SASH1: variants seen among roughly 807,000 people sequenced by gnomAD.
SASH1 encodes SAM and SH3 domain containing 1.
A neutral mutation model predicts 125.2 loss-of-function variants in SASH1; 44 were observed. The ratio of observed to expected loss-of-function variants is 0.35; its 90% CI spans 0.28 to 0.45. The LOEUF is 0.45. Ranked by LOEUF, SASH1 falls within the 20% of genes least tolerant of loss-of-function variation. SASH1 has a pLI of 1.00. For synonymous variants in SASH1, 639 were observed against 649.1 expected (o/e 0.98, Z 0.24); for missense variants, 1,426 against 1,614.5 (o/e 0.88, Z 2.00).
chr6:148,217,788 G>A, the SASH1 span, among the ~76,000 whole-genome samples: 1 of 151,166 alleles, frequency 6.6e-6, no homozygotes, highest in South Asian at 2.1e-4. Context: ...GAGGTGGGAG[G>A]ATCCTTTGAG....
chr6:148,396,776 A>G (rs1247375175), intron 2 of SASH1, among the ~76,000 whole-genome samples: 1 of 152,166 alleles, frequency 6.6e-6, no homozygotes, highest in Non-Finnish European at 1.5e-5. Context: ...ACTTGGTTCA[A>G]ATTCTGGCTC....
At chr6:148,252,059 A>G in the SASH1 span, among the ~76,000 whole-genome samples, 2 of 152,058 alleles carry the variant, frequency 1.3e-5, no homozygotes, top group Non-Finnish European at 2.9e-5. Flanking sequence ...TAAATCCCGG[A>G]AATGCATTCC....
At chr6:148,364,588 G>A (rs925520173) in intron 1 of SASH1, among the ~76,000 whole-genome samples, 4 of 152,082 alleles carry the variant, frequency 2.6e-5, no homozygotes, top group African/African-American at 9.7e-5. Context: ...CAAGAAGAAC[G>A]TAAGGCTAGC....
rs369830961 is a variant in SASH1, at chr6:148,390,208, G to A, written c.231G>A (p.Val77=). The A allele has an allele frequency of 2.7e-4, 441 of 1,613,306 alleles. 2 individuals carry two copies. Among genetic ancestry groups the A allele is most frequent in the Middle Eastern group, 2.3e-3 (13 of 5,664 alleles). ...ATTACAACACCTGTTTCTCCGACGT[G>A]TGCGAGAGGATGGAGGAGCTGCGGA... ...ADYYNTCFSD[V]CERMEELRKR... is the part of the protein sequence containing the mutation. Residue 77 remains valine, a synonymous_variant, in exon 2 of 20, where the codon GTG becomes GTA. Transcript: ENST00000367467.
At chr6:148,302,610 ACACG>A (rs1779995971) in intron 1 of SASH1, among the ~76,000 whole-genome samples, 1 of 121,586 alleles carries the variant, frequency 8.2e-6, no homozygotes, top group African/African-American at 3.0e-5. Context: ...ACACACACAC[ACACG>A]CAGAAATCAT....
chr6:148,447,299 G>C (rs1427344313), intron 4 of SASH1, among the ~76,000 whole-genome samples: 1 of 152,180 alleles, frequency 6.6e-6, no homozygotes, highest in Non-Finnish European at 1.5e-5. Context: ...TAAAAGTAGA[G>C]AAGGCCAATA....
At chr6:148,418,628 A>C (rs565833599) in intron 2 of SASH1, among the ~76,000 whole-genome samples, 1 of 152,140 alleles carries the variant, frequency 6.6e-6, no homozygotes, top group African/African-American at 2.4e-5. Flanking sequence ...CACGATACAG[A>C]TATTTATTAG....
At chr6:148,421,217 A>AAAG (rs1562396981) in intron 2 of SASH1, among the ~76,000 whole-genome samples, 4 of 146,856 alleles carry the variant, frequency 2.7e-5, no homozygotes, top group Admixed American at 6.8e-5. Context: ...AAGAAAGAAA[A>AAAG]AGAAAGAAAG....
intron 6 of SASH1, among the ~76,000 whole-genome samples, chr6:148,471,935 C>T (rs572993697): frequency 6.6e-6 from 1 of 152,274 alleles, no homozygotes; most frequent in East Asian, 1.9e-4. Context: ...TGCAGCGGGA[C>T]GGTTATGGGG....
At chr6:148,341,308 C>T (rs1562334330), upstream of SASH1, among the ~76,000 whole-genome samples, 2 of 147,076 alleles carry the variant, frequency 1.4e-5, no homozygotes, top group African/African-American at 5.1e-5. Context: ...AACACTCTTG[C>T]TATGTTTTGT....
At chr6:148,372,479 G>A (rs1196942194) in intron 1 of SASH1, among the ~76,000 whole-genome samples, 1 of 152,084 alleles carries the variant, frequency 6.6e-6, no homozygotes, top group African/African-American at 2.4e-5. Context: ...CCAGCATAGT[G>A]CCTTATTGGC....
chr6:148,470,789 A>T (rs1313048208), intron 5 of SASH1, among the ~76,000 whole-genome samples: 1 of 152,086 alleles, frequency 6.6e-6, no homozygotes, highest in Non-Finnish European at 1.5e-5. Flanking sequence ...TAGGTGGGTC[A>T]CCAGGTAGCC....
the SASH1 span, among the ~76,000 whole-genome samples, chr6:148,205,350 C>A: frequency 6.6e-6 from 1 of 152,272 alleles, no homozygotes; most frequent in Non-Finnish European, 1.5e-5. Context: ...TGCCCATCAG[C>A]CTTTGCCTTC....
chr6:148,473,211 A>G (rs781356477), intron 6 of SASH1, among the ~76,000 whole-genome samples: 2 of 152,090 alleles, frequency 1.3e-5, no homozygotes, highest in Non-Finnish European at 2.9e-5. Flanking sequence ...GATTAACTCA[A>G]CATGCTTCAT....
At position 148,307,154 on chromosome 6, in the gene SASH1, T is replaced by A. The variant is rs377728016; in HGVS notation, n.74+34777T>A. On this transcript the variant is annotated intron_variant and non_coding_transcript_variant, in intron 1 of 3. Transcript: ENST00000367469. Reference sequence around the variant, plus strand: ...TATTTTTTGAGACAGAGTCTCGCTCTGTCATCCAGGCTGGAGTGCAGTGGC... The same window carrying A: ...TATTTTTTGAGACAGAGTCTCGCTCAGTCATCCAGGCTGGAGTGCAGTGGC... 1.3e-4 allele frequency among the ~76,000 whole-genome samples: 19 copies of A among 151,802 alleles called. No individual in the cohort carries two copies. The East Asian group carries it at 2.5e-3, about 20-fold the overall frequency.
At chr6:148,541,658 G>A (rs889720942) in intron 17 of SASH1, among the ~76,000 whole-genome samples, 76 of 152,116 alleles carry the variant, frequency 5.0e-4, no homozygotes, top group African/African-American at 1.8e-3. Flanking sequence ...GAAAGTGGGT[G>A]TCCAGGATGC....
At position 148,504,674 on chromosome 6, in the gene SASH1, C is replaced by T. The variant is rs536078255; in HGVS notation, c.730-9650C>T. 3.3e-5 allele frequency among the ~76,000 whole-genome samples: 5 copies of T among 151,960 alleles called. No homozygotes were observed. The South Asian group carries it at 6.2e-4, about 19-fold the overall frequency. On this transcript the variant is annotated intron_variant, in intron 8 of 19. Transcript: ENST00000367467. ...GAGCCACAGGGCTGGGGAGTCTCAA[C>T]TTCTTCATTCCACAGTGATCGCACC...
chr6:148,415,366 G>A (rs562498413), intron 2 of SASH1, among the ~76,000 whole-genome samples: 3 of 152,120 alleles, frequency 2.0e-5, no homozygotes, highest in Non-Finnish European at 4.4e-5. Context: ...TCACTTTTCT[G>A]ACATTTGCTT....
intron 1 of SASH1, among the ~76,000 whole-genome samples, chr6:148,352,503 A>G (rs968408635): frequency 2.0e-5 from 3 of 151,998 alleles, no homozygotes; most frequent in African/African-American, 7.2e-5. Flanking sequence ...AGGCTGAGGC[A>G]GGAGGATTGC....
Sources: allele counts gnomAD v4.1 joint callset (sites outside exome capture counted in the v4.1 genomes callset), GRCh38; gene constraint gnomAD v4.1.1; transcripts MANE v1.5; gene names NCBI Gene and HGNC (gene_info 2026-07-23, HGNC 2026-07-21).